Variants in USP34 observed in about 807,000 individuals in gnomAD.
USP34 encodes ubiquitin specific peptidase 34.
A neutral mutation model predicts 460.3 loss-of-function variants in USP34; 70 were observed. That is an observed-to-expected ratio of 0.15 (90% CI 0.13 to 0.19). The LOEUF is 0.19. USP34 is among the 10% of genes least tolerant of loss of function. The pLI is 1.00. For missense variants in USP34, 3,985 were observed against 4,236.2 expected (o/e 0.94, Z 1.65); for synonymous variants, 1,647 against 1,405.3 (o/e 1.17, Z -3.85).
intron 10 of USP34, among the ~76,000 whole-genome samples, chr2:61,356,442 A>T (rs1437803491): frequency 6.6e-6 from 1 of 151,634 alleles, no homozygotes; most frequent in Non-Finnish European, 1.5e-5. Flanking sequence ...GTGAGCCATA[A>T]TTGTGCCACA....
At chr2:61,404,731 C>G (rs182771287) in intron 3 of USP34, among the ~76,000 whole-genome samples, 2 of 152,280 alleles carry the variant, frequency 1.3e-5, no homozygotes, top group East Asian at 3.9e-4. Flanking sequence ...ACAAAACTAG[C>G]TAAGGAACTG....
At chr2:61,398,903 G>A (rs970898489) in intron 3 of USP34, among the ~76,000 whole-genome samples, 2 of 152,266 alleles carry the variant, frequency 1.3e-5, no homozygotes, top group East Asian at 1.9e-4. Flanking sequence ...GGCCAGAGGT[G>A]AAGCTTTATG....
At chr2:61,301,908 C>A (rs373030256) in intron 27 of USP34, among the ~76,000 whole-genome samples, 40 of 151,308 alleles carry the variant, frequency 2.6e-4, no homozygotes, top group Non-Finnish European at 2.4e-4. Flanking sequence ...GTTAACACCT[C>A]ATATTTGTTA....
At chr2:61,291,448 C>A (rs1316638090) in intron 33 of USP34, among the ~76,000 whole-genome samples, 2 of 152,190 alleles carry the variant, frequency 1.3e-5, no homozygotes, top group African/African-American at 4.8e-5. Context: ...CAAGGCACAA[C>A]TGTTTATAAC....
At chr2:61,249,043 C>T (rs1016964940) in intron 48 of USP34, among the ~76,000 whole-genome samples, 1 of 146,160 alleles carries the variant, frequency 6.8e-6, no homozygotes, top group African/African-American at 2.4e-5. Context: ...TTCCCTATTC[C>T]AGATAAAGTT....
At chr2:61,447,247 T>A (rs112219930) in intron 1 of USP34, among the ~76,000 whole-genome samples, 1 of 92,556 alleles carries the variant, frequency 1.1e-5, no homozygotes, top group Non-Finnish European at 1.9e-5. Context: ...AGAGTGAAAC[T>A]GTCTTCCAAA....
In USP34 at chr2:61,228,686, T is replaced by C. The variant is rs1368836630; in HGVS notation, c.7402A>G (p.Thr2468Ala). ...QFLLSLQAIS[T>A]MVHFYMGTKG... ...GTTCCCATGTAAAAATGTACCATTG[T>C]AGATATAGCTTGCAATGAAAGCAAA... Residue 2468 changes from threonine (T) to alanine (A), a missense_variant, in exon 61 of 80, where the codon ACA (threonine) becomes GCA (alanine). Coordinates refer to ENST00000398571, the MANE Select transcript of USP34 (RefSeq NM_014709.4). 6.8e-6 allele frequency: 11 copies of C among 1,611,980 alleles called. No individual in the cohort carries two copies. The highest frequency in any genetic ancestry group is 9.3e-6 in the Non-Finnish European group (11 of 1,179,282).
intron 71 of USP34, 118 bp from the exon 72 acceptor site, chr2:61,206,242 C>T: frequency 5.1e-6 from 4 of 788,044 alleles, no homozygotes; most frequent in Non-Finnish European, 8.3e-6. Context: ...ACAAAAACAT[C>T]TTCAGTGAAA....
At chr2:61,297,361 C>T (rs1690060248) in intron 29 of USP34, among the ~76,000 whole-genome samples, 1 of 152,214 alleles carries the variant, frequency 6.6e-6, no homozygotes, top group African/African-American at 2.4e-5. Context: ...CTAATCTAAA[C>T]CTCATTTTCC....
At chr2:61,232,768 TG>T (rs2103836060) in intron 57 of USP34, among the ~76,000 whole-genome samples, 1 of 151,996 alleles carries the variant, frequency 6.6e-6, no homozygotes, top group East Asian at 1.9e-4. Context: ...TGACAATCTG[TG>T]GTCCTTTATC....
At chr2:61,326,320 G>T (rs1308355436) in intron 20 of USP34, among the ~76,000 whole-genome samples, 2 of 152,168 alleles carry the variant, frequency 1.3e-5, no homozygotes, top group African/African-American at 4.8e-5. Flanking sequence ...TGATTCTCGT[G>T]CCTTAGCCTC....
chr2:61,379,462 G>C (rs1289911446), intron 7 of USP34, among the ~76,000 whole-genome samples: 1 of 152,184 alleles, frequency 6.6e-6, no homozygotes, highest in African/African-American at 2.4e-5. Flanking sequence ...GGAGGTTGCA[G>C]TAAGCCGAGA....
At chr2:61,296,506 A>G (rs1164563327) in intron 30 of USP34, among the ~76,000 whole-genome samples, 1 of 152,224 alleles carries the variant, frequency 6.6e-6, no homozygotes, top group African/African-American at 2.4e-5. Flanking sequence ...ACTAAGAACA[A>G]AAAACAATAT....
intron 10 of USP34, among the ~76,000 whole-genome samples, chr2:61,351,446 A>C (rs1691939898): frequency 6.6e-6 from 1 of 150,626 alleles, no homozygotes; most frequent in Non-Finnish European, 1.5e-5. Context: ...TATAAACACT[A>C]AATATTATGT....
intron 72 of USP34, among the ~76,000 whole-genome samples, chr2:61,204,872 A>G (rs778957634): frequency 6.6e-6 from 1 of 152,152 alleles, no homozygotes; most frequent in Non-Finnish European, 1.5e-5. Context: ...CTGGCAACAT[A>G]CAGTGAGGGA....
chr2:61,357,332 T>G (rs1250271112), intron 10 of USP34, among the ~76,000 whole-genome samples: 1 of 151,996 alleles, frequency 6.6e-6, no homozygotes, highest in Non-Finnish European at 1.5e-5. Flanking sequence ...ATTCAAACAG[T>G]CAAAGGATCA....
intron 1 of USP34, among the ~76,000 whole-genome samples, chr2:61,427,148 C>A (rs1694536382): frequency 6.6e-6 from 1 of 152,216 alleles, no homozygotes; most frequent in South Asian, 2.1e-4. Context: ...CTGCCTCAGC[C>A]TCCCGAGTAG....
chr2:61,320,456 A>G (rs576046545), intron 21 of USP34, among the ~76,000 whole-genome samples: 34 of 152,260 alleles, frequency 2.2e-4, no homozygotes, highest in South Asian at 8.3e-4. Flanking sequence ...CATGGGGAGA[A>G]TGTGTAAATT....
chr2:61,298,395 G>A (rs1288694094), intron 29 of USP34, among the ~76,000 whole-genome samples: 1 of 143,750 alleles, frequency 7.0e-6, no homozygotes, highest in African/African-American at 2.6e-5. Context: ...AAAACTAGCT[G>A]GGCGTGGTGG....
Sources: allele counts gnomAD v4.1 joint callset (sites outside exome capture counted in the v4.1 genomes callset), GRCh38; gene constraint gnomAD v4.1.1; transcripts MANE v1.5; gene names NCBI Gene and HGNC (gene_info 2026-07-23, HGNC 2026-07-21).